The following KCNQ5 variants were observed in gnomAD, a reference collection of about 807,000 sequenced individuals.
KCNQ5 encodes the protein potassium voltage-gated channel subfamily Q member 5.
KCNQ5 carries 30 observed loss-of-function variants against 98.2 expected under a neutral mutation model. The ratio of observed to expected loss-of-function variants is 0.31; its 90% CI spans 0.23 to 0.41. The LOEUF is 0.41. KCNQ5 is among the 10% of genes least tolerant of loss of function. The pLI, the probability that KCNQ5 is intolerant of heterozygous loss-of-function variation, is 1.00. For synonymous variants in KCNQ5, 458 were observed against 449.4 expected, an observed-to-expected ratio of 1.02 and a Z score of -0.24; for missense variants, 835 against 1,182.5, an observed-to-expected ratio of 0.71 and a Z score of 4.31.
intron 1 of KCNQ5, among the ~76,000 whole-genome samples, chr6:72,835,631 T>C (rs1776473268): frequency 6.6e-6 from 1 of 152,186 alleles, no homozygotes; most frequent in Non-Finnish European, 1.5e-5. Flanking sequence ...GTGTCATACA[T>C]GTATTTCCTC....
intron 1 of KCNQ5, among the ~76,000 whole-genome samples, chr6:72,685,277 G>C (rs1404614693): frequency 6.6e-6 from 1 of 152,218 alleles, no homozygotes; most frequent in Admixed American, 6.5e-5. Context: ...TACTCACTAA[G>C]AGGTTTGCTT....
At chr6:73,085,356 C>T (rs1252130304) in intron 5 of KCNQ5, among the ~76,000 whole-genome samples, 1 of 152,160 alleles carries the variant, frequency 6.6e-6, no homozygotes, top group African/African-American at 2.4e-5. Flanking sequence ...GAGGGAAACC[C>T]ACACCAACTC....
chr6:72,734,816 T>C (rs992130338), intron 1 of KCNQ5, among the ~76,000 whole-genome samples: 1 of 152,206 alleles, frequency 6.6e-6, no homozygotes, highest in African/African-American at 2.4e-5. Context: ...TTAGGCCCTG[T>C]AGTAACAGAA....
At chr6:72,786,765 G>A (rs964099642) in intron 1 of KCNQ5, among the ~76,000 whole-genome samples, 1 of 152,082 alleles carries the variant, frequency 6.6e-6, no homozygotes, top group Non-Finnish European at 1.5e-5. Flanking sequence ...CCTGCACTTT[G>A]GGAGGCAGAG....
chr6:72,766,819 G>T (rs1283149270), intron 1 of KCNQ5, among the ~76,000 whole-genome samples: 1 of 152,004 alleles, frequency 6.6e-6, no homozygotes, highest in Non-Finnish European at 1.5e-5. Flanking sequence ...GATGCCTATT[G>T]TGGAGTTTGC....
intron 1 of KCNQ5, among the ~76,000 whole-genome samples, chr6:72,781,267 G>C (rs540183912): frequency 6.6e-6 from 1 of 152,258 alleles, no homozygotes; most frequent in East Asian, 1.9e-4. Flanking sequence ...CCCACCAGAA[G>C]CTAGGAAGGG....
chr6:72,940,434 T>G (rs1017742118), intron 1 of KCNQ5, among the ~76,000 whole-genome samples: 1 of 151,942 alleles, frequency 6.6e-6, no homozygotes, highest in Non-Finnish European at 1.5e-5. Flanking sequence ...GACTTTAGAG[T>G]CTCCCCAGCC....
At chr6:72,918,322 T>C (rs1426480679) in intron 1 of KCNQ5, among the ~76,000 whole-genome samples, 1 of 152,092 alleles carries the variant, frequency 6.6e-6, no homozygotes, top group African/African-American at 2.4e-5. Context: ...CTAATGTCAA[T>C]CAGTACTTTG....
At chr6:72,862,258 G>A (rs1037021775) in intron 1 of KCNQ5, among the ~76,000 whole-genome samples, 1 of 152,200 alleles carries the variant, frequency 6.6e-6, no homozygotes, top group Non-Finnish European at 1.5e-5. Flanking sequence ...TGGAAAGTGA[G>A]AGGGGAAATT....
chr6:73,168,405 A>G (rs1777882879), intron 10 of KCNQ5, among the ~76,000 whole-genome samples: 1 of 152,194 alleles, frequency 6.6e-6, no homozygotes, highest in Admixed American at 6.5e-5. Flanking sequence ...TGGACCATAT[A>G]AAAATGGTAT....
intron 3 of KCNQ5, among the ~76,000 whole-genome samples, chr6:73,058,492 G>T (rs1438792918): frequency 6.6e-6 from 1 of 152,138 alleles, no homozygotes; most frequent in Non-Finnish European, 1.5e-5. Context: ...ACCTGGCAAA[G>T]ATTTTATGAC....
intron 1 of KCNQ5, chr6:72,987,096 T>C: frequency 1.5e-6 from 1 of 662,718 alleles, no homozygotes; most frequent in Non-Finnish European, 2.7e-6. Context: ...GAAGCCAAAG[T>C]TGAGGCTCCG....
chr6:72,879,750 GT>G (rs947464630), intron 1 of KCNQ5, among the ~76,000 whole-genome samples: 1 of 151,924 alleles, frequency 6.6e-6, no homozygotes, highest in African/African-American at 2.4e-5. Context: ...ATTTGGAGGG[GT>G]TTTTTTGTGT....
At chr6:73,093,514 T>C (rs909289085) in intron 5 of KCNQ5, among the ~76,000 whole-genome samples, 1 of 152,168 alleles carries the variant, frequency 6.6e-6, no homozygotes, top group African/African-American at 2.4e-5. Context: ...CTGTTTGTGC[T>C]CTTTCAGACT....
chr6:72,840,764 A>G (rs919866289), intron 1 of KCNQ5, among the ~76,000 whole-genome samples: 1 of 152,218 alleles, frequency 6.6e-6, no homozygotes, highest in Non-Finnish European at 1.5e-5. Context: ...CCTTGCAATA[A>G]TATAGGAATG....
chr6:72,907,017 G>A (rs959610037), intron 1 of KCNQ5, among the ~76,000 whole-genome samples: 3 of 152,186 alleles, frequency 2.0e-5, no homozygotes, highest in African/African-American at 7.2e-5. Context: ...GAATCTTGTA[G>A]TCAATGACTG....
At chr6:72,859,875 C>T (rs1003495991) in intron 1 of KCNQ5, among the ~76,000 whole-genome samples, 1 of 152,088 alleles carries the variant, frequency 6.6e-6, no homozygotes, top group Non-Finnish European at 1.5e-5. Flanking sequence ...CAGGTGTGAG[C>T]CACTGTGCCT....
intron 11 of KCNQ5, among the ~76,000 whole-genome samples, chr6:73,188,482 G>T (rs944910817): frequency 6.6e-6 from 1 of 152,120 alleles, no homozygotes; most frequent in Non-Finnish European, 1.5e-5. Flanking sequence ...AGCAAAGAAG[G>T]GTTCTAGGCT....
At chr6:72,976,890 C>A (rs1768181553) in intron 1 of KCNQ5, among the ~76,000 whole-genome samples, 1 of 152,240 alleles carries the variant, frequency 6.6e-6, no homozygotes, top group Non-Finnish European at 1.5e-5. Context: ...TCAAACCCAA[C>A]TCTTACATTC....
Sources: allele counts gnomAD v4.1 joint callset (sites outside exome capture counted in the v4.1 genomes callset), GRCh38; gene constraint gnomAD v4.1.1; transcripts MANE v1.5; gene names NCBI Gene and HGNC (gene_info 2026-07-23, HGNC 2026-07-21).